Variants in PAPPA2 observed in about 807,000 individuals in gnomAD.
The protein encoded by PAPPA2 is pappalysin 2.
In PAPPA2, 86 loss-of-function variants were observed where a neutral mutation model predicts 176.4. That is an observed-to-expected ratio of 0.49 (90% CI 0.41 to 0.58). The LOEUF (loss-of-function observed/expected upper bound fraction) is 0.58, where lower values mean the gene tolerates loss of function less well. PAPPA2 is among the 20% of genes least tolerant of loss of function. The pLI is 0.00. For missense variants in PAPPA2, 2,073 were observed against 2,256.9 expected (o/e 0.92, Z 1.65); for synonymous variants, 809 against 852.2 (o/e 0.95, Z 0.88).
chr1:176,659,088 A>G (rs1325045846), intron 3 of PAPPA2, among the ~76,000 whole-genome samples: 3 of 152,048 alleles, frequency 2.0e-5, no homozygotes, highest in African/African-American at 4.8e-5. Flanking sequence ...ATAAAAAAGA[A>G]AACTAAGAAT....
rs1196861315 is a variant in PAPPA2 at position 176,706,448 on chromosome 1, T to A, written c.3455T>A (p.Val1152Glu). The A allele has an allele frequency of 6.2e-7, 1 of 1,613,048 alleles. No individual in the cohort carries two copies. The highest frequency in any genetic ancestry group is 8.5e-7 in the Non-Finnish European group (1 of 1,179,260). Residue 1152 changes from valine (V) to glutamate (E), a missense_variant and splice_region_variant, in exon 10 of 23, where the codon GTA becomes GAA. Transcript: ENST00000367662. ...GAGCTGGAGGAAGGTTTCAACTGTG[T>A]AGGTAAGTTCAAGAGTTTCAGTCTA... ...VCELEEGFNC[V>E]GEPSLCYMYE...
Position 176,791,356 on chromosome 1 carries a change from C to G in PAPPA2, c.4894C>G (p.Leu1632Val). 1 of 1,609,314 alleles carries G rather than the reference C, an allele frequency of 6.2e-7. No homozygotes were observed. The highest frequency in any genetic ancestry group is 1.1e-5 in the South Asian group (1 of 90,834). Residue 1632 changes from leucine (L) to valine (V), a missense_variant, in exon 19 of 23, where the codon CTC becomes GTC. Transcript: ENST00000367662. ...CNQEREKLPI[L>V]CTKEGLWTQE... The stretch of plus-strand genomic sequence containing the variant: ...ACTTTTGATATTCTAGCTTCCCATC[C>G]TCTGCACTAAAGAGGGCCTGTGGAC...
At position 176,840,201 on chromosome 1, in the gene PAPPA2, C is replaced by T. The variant is rs1667432477; in HGVS notation, c.5231C>T (p.Thr1744Ile). ...TTCCAAGCAGATGGTTGGTGTGACA[C>T]TATCAACAACCGAGCCTACTGCCAC... is the stretch of plus-strand genomic sequence containing the variant. ...EPFQADGWCDTINNRAYCHYD... is the reference protein window; with the variant it reads ...EPFQADGWCDIINNRAYCHYD... The change falls in exon 22 of 23, where the codon ACT becomes ATT. Residue 1744 changes from threonine (T) to isoleucine (I), a missense_variant. Physicochemically the swap from Thr to Ile is moderately conservative, Grantham distance 89. Coordinates refer to ENST00000367662, the MANE Select transcript of PAPPA2 (RefSeq NM_020318.3). 1.2e-6 allele frequency: 2 copies of T among 1,613,264 alleles called. No homozygotes were observed. Among genetic ancestry groups the T allele is most frequent in the Non-Finnish European group, 1.7e-6 (2 of 1,179,584 alleles).
At chr1:176,470,240 T>G (rs1379755914) in intron 1 of PAPPA2, among the ~76,000 whole-genome samples, 2 of 152,226 alleles carry the variant, frequency 1.3e-5, no homozygotes, top group Non-Finnish European at 2.9e-5. Context: ...CCAAGAACTC[T>G]GGACATTGAG....
intron 3 of PAPPA2, among the ~76,000 whole-genome samples, chr1:176,662,363 A>G (rs1658405682): frequency 6.6e-6 from 1 of 152,142 alleles, no homozygotes; most frequent in Non-Finnish European, 1.5e-5. Flanking sequence ...GTAGTAAATA[A>G]ATGGTGCCAG....
At chr1:176,493,068 T>C (rs894765819) in intron 1 of PAPPA2, among the ~76,000 whole-genome samples, 1 of 152,196 alleles carries the variant, frequency 6.6e-6, no homozygotes, top group Non-Finnish European at 1.5e-5. Context: ...GCTAACCAAT[T>C]ATGACTTTCA....
intron 17 of PAPPA2, among the ~76,000 whole-genome samples, chr1:176,786,294 G>A (rs1337395450): frequency 6.6e-6 from 1 of 152,098 alleles, no homozygotes; most frequent in Non-Finnish European, 1.5e-5. Flanking sequence ...TTTGTATAAA[G>A]TTTAAAACCA....
Position 176,557,085 on chromosome 1 carries a change from A to C in PAPPA2, c.763A>C (p.Asn255His). Residue 255 changes from asparagine (N) to histidine (H), a missense_variant, in exon 2 of 23, where the codon AAC becomes CAC. By Grantham distance (68) the Asn-to-His change is moderately conservative. Transcript: ENST00000367662. Reference protein sequence around the residue: ...EGSYREAETFNSQVGLPILYF... With the variant: ...EGSYREAETFHSQVGLPILYF... ...CTCCTACCGAGAAGCAGAGACCTTT[A>C]ACTCCCAAGTAGGACTGCCCATCTT... is the stretch of plus-strand genomic sequence containing the variant. 6.2e-7 allele frequency: 1 copy of C among 1,614,010 alleles called. No homozygotes were observed. Among genetic ancestry groups the C allele is most frequent in the Non-Finnish European group, 8.5e-7 (1 of 1,179,986 alleles).
chr1:176,671,135 A>G lies in PAPPA2; in HGVS notation c.2137+20A>G. The G allele has an allele frequency of 6.2e-7, 1 of 1,609,712 alleles. No individual in the cohort carries two copies. The highest frequency in any genetic ancestry group is 8.5e-7 in the Non-Finnish European group (1 of 1,178,442). On this transcript the variant is annotated intron_variant, in intron 4 of 22. Coordinates refer to ENST00000367662, the MANE Select transcript of PAPPA2 (RefSeq NM_020318.3). ...ACCTGGGTAAGTGAAATGAAGACCAAACATAGTAGGAAAAAAACAAAGAAG... is the reference window on the plus strand; with the variant it reads ...ACCTGGGTAAGTGAAATGAAGACCAGACATAGTAGGAAAAAAACAAAGAAG...
At chr1:176,734,776 A>G (rs1397161099) in intron 12 of PAPPA2, among the ~76,000 whole-genome samples, 1 of 152,162 alleles carries the variant, frequency 6.6e-6, no homozygotes, top group Non-Finnish European at 1.5e-5. Flanking sequence ...TCACCTATAA[A>G]AAAGTAATGT....
intron 21 of PAPPA2, among the ~76,000 whole-genome samples, chr1:176,834,042 T>C (rs2102987086): frequency 6.6e-6 from 1 of 152,316 alleles, no homozygotes; most frequent in South Asian, 2.1e-4. Context: ...TCATAAAGTA[T>C]GCTAAGGAAA....
At chr1:176,716,675 A>T (rs1661392077) in intron 12 of PAPPA2, among the ~76,000 whole-genome samples, 1 of 140,198 alleles carries the variant, frequency 7.1e-6, no homozygotes. Context: ...GCAGTGGCAC[A>T]ATCTTGGCTC....
Position 176,806,610 on chromosome 1 carries a change from T to C in PAPPA2, c.5202+6478T>C, listed in dbSNP as rs150534181. Among the ~76,000 whole-genome samples the C allele has an allele frequency of 4.1e-4, 63 of 152,338 alleles. No individual in the cohort carries two copies. In the East Asian group the frequency reaches 0.011, roughly 26 times the overall value. ...GCTCCATCTCTAATTAGCTATTTCC[T>C]TGGGCAAGTCAGTTAACTTTTCTGA... On this transcript the variant is annotated intron_variant, in intron 21 of 22. Transcript: ENST00000367662.
chr1:176,822,310 G>A (rs890857554), intron 21 of PAPPA2, among the ~76,000 whole-genome samples: 2 of 152,006 alleles, frequency 1.3e-5, no homozygotes, highest in Non-Finnish European at 2.9e-5. Flanking sequence ...ATCTCATTTG[G>A]TCATATATTA....
intron 21 of PAPPA2, among the ~76,000 whole-genome samples, chr1:176,807,471 A>T (rs1665953038): frequency 6.6e-6 from 1 of 151,922 alleles, no homozygotes; most frequent in African/African-American, 2.4e-5. Flanking sequence ...CCTGCCTGCC[A>T]AGTTTGATAT....
chr1:176,697,593 A>G (rs976031876), intron 7 of PAPPA2, among the ~76,000 whole-genome samples: 4 of 152,304 alleles, frequency 2.6e-5, no homozygotes, highest in Admixed American at 1.3e-4. Context: ...TCTAAATGCT[A>G]TGGGGATTAG....
At chr1:176,788,014 C>T (rs1229313495) in intron 17 of PAPPA2, among the ~76,000 whole-genome samples, 5 of 151,772 alleles carry the variant, frequency 3.3e-5, no homozygotes, top group African/African-American at 7.3e-5. Flanking sequence ...GAGCCGAGAT[C>T]GCGCCATTGC....
intron 15 of PAPPA2, among the ~76,000 whole-genome samples, chr1:176,767,043 G>A (rs911582061): frequency 5.3e-5 from 8 of 152,234 alleles, no homozygotes; most frequent in Non-Finnish European, 1.0e-4. Flanking sequence ...GAGAGAAACA[G>A]CTTTAATATA....
chr1:176,659,562 C>T (rs1658241915), intron 3 of PAPPA2, among the ~76,000 whole-genome samples: 1 of 152,064 alleles, frequency 6.6e-6, no homozygotes, highest in South Asian at 2.1e-4. Context: ...ACTCCAACAT[C>T]TTATGGGGGA....
Sources: allele counts gnomAD v4.1 joint callset (sites outside exome capture counted in the v4.1 genomes callset), GRCh38; gene constraint gnomAD v4.1.1; transcripts MANE v1.5; gene names NCBI Gene and HGNC (gene_info 2026-07-23, HGNC 2026-07-21).